TSGA10: variants seen among roughly 807,000 people sequenced by gnomAD.
TSGA10 encodes testis-specific gene 10 protein.
A neutral mutation model predicts 96.6 loss-of-function variants in TSGA10; 43 were observed. The observed-to-expected ratio is 0.44, with a 90% CI of 0.35 to 0.57. The LOEUF (loss-of-function observed/expected upper bound fraction) is 0.57. Among genes scored for constraint, TSGA10 ranks in the 20% least tolerant of loss-of-function variants. The probability of loss-of-function intolerance (pLI) is 0.01; values close to 1 mark genes in which losing one functional copy is unlikely to be tolerated. For missense variants in TSGA10, 703 were observed against 834.4 expected (o/e 0.84, Z 1.94); for synonymous variants, 229 against 269.9 (o/e 0.85, Z 1.48).
intron 2 of TSGA10, chr2:99,126,289 G>A (rs1553498142): frequency 6.6e-6 from 1 of 152,260 alleles, no homozygotes; most frequent in Non-Finnish European, 1.5e-5. Context: ...AAAGTTGTCT[G>A]CCTTGATAGG....
intron 1 of TSGA10, chr2:99,147,555 G>T: frequency 1.4e-6 from 2 of 1,429,566 alleles, no homozygotes; most frequent in East Asian, 4.6e-5. Flanking sequence ...CCTTTTATTA[G>T]ATTGAAGTTT....
intron 9 of TSGA10, 63 bp from the exon 10 acceptor site, chr2:99,104,181 G>A: frequency 1.9e-6 from 3 of 1,572,526 alleles, no homozygotes; most frequent in Non-Finnish European, 2.6e-6. Flanking sequence ...TCTTCCTGAA[G>A]GGCATACTCC....
intron 16 of TSGA10, among the ~76,000 whole-genome samples, chr2:99,043,180 T>C (rs1412347439): frequency 6.6e-6 from 1 of 152,034 alleles, no homozygotes; most frequent in Non-Finnish European, 1.5e-5. Context: ...TAAAAAAATA[T>C]ATAAATCATT....
intron 20 of TSGA10, among the ~76,000 whole-genome samples, chr2:99,012,647 A>G (rs992738207): frequency 1.3e-5 from 2 of 152,220 alleles, no homozygotes; most frequent in African/African-American, 4.8e-5. Context: ...CTAAATGTAT[A>G]TGCACCTAAC....
Position 99,144,964 on chromosome 2 carries a change from T to A in TSGA10, c.-621+9729A>T, listed in dbSNP as rs115261388. Among the ~76,000 whole-genome samples, 874 of 152,328 alleles carry A rather than the reference T, an allele frequency of 5.7e-3. 10 individuals are homozygous for A. Among genetic ancestry groups the A allele is most frequent in the African/African-American group, 0.02 (837 of 41,560 alleles). ...TGCTAGTAGAGTTGTTTGCTACGGCTGTGCAACAATTTACCACACACTTGG... is the reference window on the plus strand; with the variant it reads ...TGCTAGTAGAGTTGTTTGCTACGGCAGTGCAACAATTTACCACACACTTGG... On this transcript the variant is annotated intron_variant, in intron 1 of 20. Transcript: ENST00000393483.
chr2:99,088,020 A>ATAT, intron 10 of TSGA10, among the ~76,000 whole-genome samples: 1 of 152,356 alleles, frequency 6.6e-6, no homozygotes, highest in South Asian at 2.1e-4. Context: ...GTTGCTAAGG[A>ATAT]TATGGATGGA....
chr2:99,134,682 C>T (rs1437556740), intron 1 of TSGA10, among the ~76,000 whole-genome samples: 2 of 152,070 alleles, frequency 1.3e-5, no homozygotes, highest in Non-Finnish European at 2.9e-5. Context: ...AAATTTTCAG[C>T]CTTTTTGTGC....
At chr2:99,009,280 A>C (rs2078787868) in intron 20 of TSGA10, among the ~76,000 whole-genome samples, 2 of 152,196 alleles carry the variant, frequency 1.3e-5, no homozygotes, top group East Asian at 3.8e-4. Context: ...AATGCTCTCA[A>C]GACTTGGGCA....
chr2:99,043,657 AG>A (rs934021296), intron 16 of TSGA10, among the ~76,000 whole-genome samples: 3 of 152,212 alleles, frequency 2.0e-5, no homozygotes, highest in Non-Finnish European at 2.9e-5. Context: ...TCAATTGCAC[AG>A]GAACTCCAAT....
At chr2:99,115,742 T>G (rs761642309) in intron 4 of TSGA10, among the ~76,000 whole-genome samples, 3 of 152,004 alleles carry the variant, frequency 2.0e-5, no homozygotes, top group Non-Finnish European at 4.4e-5. Context: ...TAGATGGGTG[T>G]GGTCGTGGGT....
chr2:99,078,625 A>G, intron 12 of TSGA10, 34 bp downstream of exon 12: 1 of 1,573,958 alleles, frequency 6.4e-7, no homozygotes, highest in Non-Finnish European at 8.6e-7. Flanking sequence ...TTTCATTTAA[A>G]CGTTTCTTAT....
chr2:99,134,887 C>A (rs2093257903), intron 1 of TSGA10, among the ~76,000 whole-genome samples: 1 of 152,202 alleles, frequency 6.6e-6, no homozygotes, highest in African/African-American at 2.4e-5. Context: ...CCACTCCAGA[C>A]CCTGTTTGCC....
At chr2:99,010,092 T>C (rs1308767228) in intron 20 of TSGA10, among the ~76,000 whole-genome samples, 1 of 152,222 alleles carries the variant, frequency 6.6e-6, no homozygotes, top group Non-Finnish European at 1.5e-5. Context: ...AACAAGCTGA[T>C]TACTTTCCTA....
At position 99,022,880 on chromosome 2, in the gene TSGA10, T is replaced by C. The variant is rs142934773; in HGVS notation, c.1615-2398A>G. 3.7e-3 allele frequency among the ~76,000 whole-genome samples: 558 copies of C among 152,304 alleles called. 2 individuals are homozygous for C. The highest frequency in any genetic ancestry group is 0.029 in the East Asian group (153 of 5,192). On this transcript the variant is annotated intron_variant, in intron 17 of 20. Coordinates refer to ENST00000393483, the MANE Select transcript of TSGA10 (RefSeq NM_025244.4). ...TTCTCTCTGATTACAGCCATCCTAG[T>C]GGTTGTGAAATAGTATGGTTTTGAT...
chr2:99,090,715 C>T (rs961367212), intron 10 of TSGA10, among the ~76,000 whole-genome samples: 2 of 152,002 alleles, frequency 1.3e-5, no homozygotes, highest in African/African-American at 4.8e-5. Flanking sequence ...CCCAATCCAA[C>T]AAAGACAAAG....
intron 9 of TSGA10, among the ~76,000 whole-genome samples, chr2:99,104,385 G>C (rs2091107274): frequency 6.6e-6 from 1 of 151,998 alleles, no homozygotes; most frequent in South Asian, 2.1e-4. Context: ...TAAATATGCT[G>C]TTTGCAAAAG....
Position 99,001,222 on chromosome 2 carries a change from A to G in TSGA10, c.2073-3001T>C, listed in dbSNP as rs115619253. ...GCCTAACTCAGGGACACCTCCCAGTAGGGGCAAACTGACACCTCATACAGC... is the reference window on the plus strand; with the variant it reads ...GCCTAACTCAGGGACACCTCCCAGTGGGGGCAAACTGACACCTCATACAGC... On this transcript the variant is annotated intron_variant, in intron 20 of 20. Transcript: ENST00000393483. Among the ~76,000 whole-genome samples, 1,469 of 152,290 alleles carry G rather than the reference A, an allele frequency of 9.6e-3. 15 individuals are homozygous for G. Among genetic ancestry groups the G allele is most frequent in the African/African-American group, 0.034 (1,393 of 41,562 alleles).
chr2:99,081,404 A>G lies in TSGA10; in HGVS notation c.612-7T>C. On this transcript the variant is annotated splice_region_variant and splice_polypyrimidine_tract_variant and intron_variant, in intron 10 of 20. Transcript: ENST00000393483. Reference sequence around the variant, plus strand: ...TGTGTTTTCATACAAAAGTCTGCAAATATTTTAATAATAAAACTAATTCTG... The same window carrying G: ...TGTGTTTTCATACAAAAGTCTGCAAGTATTTTAATAATAAAACTAATTCTG... 1 of 1,489,166 alleles carries G rather than the reference A, an allele frequency of 6.7e-7. No individual in the cohort carries two copies. The highest frequency in any genetic ancestry group is 9.1e-7 in the Non-Finnish European group (1 of 1,099,444). The allele number at this position is 1,489,166 out of a possible 1,614,324, so 92.2% of individuals were successfully genotyped here. A position where few individuals can be genotyped will look rare whatever the true frequency, so the allele number is the denominator to read the frequency against.
At chr2:99,088,662 T>C (rs2088880242) in intron 10 of TSGA10, among the ~76,000 whole-genome samples, 1 of 152,214 alleles carries the variant, frequency 6.6e-6, no homozygotes, top group African/African-American at 2.4e-5. Context: ...ATGCTTACCA[T>C]GTAACCCAAT....
Sources: allele counts gnomAD v4.1 joint callset (sites outside exome capture counted in the v4.1 genomes callset), GRCh38; gene constraint gnomAD v4.1.1; transcripts MANE v1.5; gene names NCBI Gene and HGNC (gene_info 2026-07-23, HGNC 2026-07-21).